The following GPM6B variants were observed in gnomAD, a reference collection of about 807,000 sequenced individuals.
The protein encoded by GPM6B is glycoprotein M6B.
GPM6B carries 4 observed loss-of-function variants against 27.2 expected under a neutral mutation model. The ratio of observed to expected loss-of-function variants is 0.15; its 90% CI spans 0.07 to 0.34. The LOEUF (loss-of-function observed/expected upper bound fraction) is 0.34, where lower values mean the gene tolerates loss of function less well. Among genes scored for constraint, GPM6B ranks in the 10% least tolerant of loss-of-function variants. The pLI, the probability that GPM6B is intolerant of heterozygous loss-of-function variation, is 1.00. For synonymous variants in GPM6B, 124 were observed against 103.1 expected (o/e 1.20, Z -1.23); for missense variants, 183 against 261.9 (o/e 0.70, Z 2.08).
At chrX:13,866,909 T>C (rs868070178) in intron 1 of GPM6B, among the ~76,000 whole-genome samples, 1 of 111,720 alleles carries the variant, frequency 9.0e-6, no homozygotes, top group African/African-American at 3.3e-5. Context: ...GGAAAAAACA[T>C]GCTTCAAAAA....
chrX:13,809,946 T>C (rs1603032423), intron 1 of GPM6B, among the ~76,000 whole-genome samples: 1 of 49,942 alleles, frequency 2.0e-5, no homozygotes, highest in East Asian at 9.5e-4. Flanking sequence ...TAAAACTCCA[T>C]CTCAGGAAAA....
chrX:13,839,361 A>G (rs921031886), intron 1 of GPM6B, among the ~76,000 whole-genome samples: 1 of 110,516 alleles, frequency 9.0e-6, no homozygotes, highest in African/African-American at 3.3e-5. Flanking sequence ...TAACTTGTCT[A>G]CCTAAAATGT....
chrX:13,827,564 C>T (rs1366138630), intron 1 of GPM6B, among the ~76,000 whole-genome samples: 1 of 111,833 alleles, frequency 8.9e-6, no homozygotes, highest in East Asian at 2.8e-4. Flanking sequence ...TTCCTCCCAC[C>T]CAGGTTGGAG....
chrX:13,919,205 C>T (rs1396140463), intron 1 of GPM6B, among the ~76,000 whole-genome samples: 1 of 111,783 alleles, frequency 8.9e-6, no homozygotes, highest in African/African-American at 3.3e-5. Flanking sequence ...TTAATATTTT[C>T]AAGAACACAC....
At chrX:13,783,713 T>G in intron 3 of GPM6B, 192 bp from the exon 4 acceptor site, 1 of 460,505 alleles carries the variant, frequency 2.2e-6, no homozygotes. Flanking sequence ...TGGGCCTTCC[T>G]TCCAAGGTGG....
At chrX:13,817,353 A>G (rs960739439), upstream of GPM6B, 1 of 752,502 alleles carries the variant, frequency 1.3e-6, no homozygotes, top group African/African-American at 2.3e-5. Flanking sequence ...AGCCAAGTAC[A>G]CCCAATGAAT....
chrX:13,810,148 A>C (rs1247218469), intron 1 of GPM6B, among the ~76,000 whole-genome samples: 2 of 110,737 alleles, frequency 1.8e-5, no homozygotes, highest in African/African-American at 6.6e-5. Context: ...CCCCCAAAAA[A>C]CAGATTTAGA....
intron 1 of GPM6B, among the ~76,000 whole-genome samples, chrX:13,884,887 G>T (rs1278031567): frequency 4.5e-5 from 5 of 112,067 alleles, no homozygotes; most frequent in Admixed American, 9.4e-5. Context: ...TTGAAATATT[G>T]AGAGAAGGTC....
At chrX:13,857,852 A>G (rs1339662458) in intron 1 of GPM6B, among the ~76,000 whole-genome samples, 1 of 112,914 alleles carries the variant, frequency 8.9e-6, no homozygotes, top group Admixed American at 9.4e-5. Context: ...TCAATGAGGT[A>G]GATAAACAAG....
At chrX:13,791,395 C>T (rs763185060) in intron 2 of GPM6B, among the ~76,000 whole-genome samples, 1 of 110,994 alleles carries the variant, frequency 9.0e-6, no homozygotes, top group South Asian at 3.8e-4. Context: ...ATTTTTAGTA[C>T]AGACGGGGTC....
At chrX:13,848,159 C>T (rs754982550) in intron 1 of GPM6B, among the ~76,000 whole-genome samples, 1 of 111,973 alleles carries the variant, frequency 8.9e-6, no homozygotes, top group Non-Finnish European at 1.9e-5. Context: ...GCATCTGGCA[C>T]TCAGTGACTG....
chrX:13,812,048 C>CTTT lies in GPM6B; in HGVS notation c.62-4282_62-4280dup, dbSNP rs1187553585. Among the ~76,000 whole-genome samples, 13 of 88,881 alleles carry CTTT rather than the reference C, an allele frequency of 1.5e-4. 2 individuals are homozygous for CTTT. Among genetic ancestry groups the CTTT allele is most frequent in the African/African-American group, 3.9e-4 (9 of 23,352 alleles). 77.2% of individuals were successfully genotyped at this position (88,881 alleles called of 115,157 possible). Reference sequence around the variant, plus strand: ...AAAGGAGAACACTTTTCTTTTCTTTCTTTTTTTTTTTTTTTTTTTGAGACA... The same window carrying CTTT: ...AAAGGAGAACACTTTTCTTTTCTTTCTTTTTTTTTTTTTTTTTTTTTTGAGACA... On this transcript the variant is annotated intron_variant, in intron 1 of 7. Coordinates refer to ENST00000316715, the MANE Select transcript of GPM6B (RefSeq NM_001001995.3).
intron 2 of GPM6B, among the ~76,000 whole-genome samples, chrX:13,801,368 T>C (rs969875808): frequency 9.0e-6 from 1 of 111,554 alleles, no homozygotes; most frequent in Non-Finnish European, 1.9e-5. Context: ...GGATGAGGGA[T>C]GTTTGATGGA....
intron 7 of GPM6B, chrX:13,774,627 G>A: frequency 1.7e-6 from 2 of 1,195,434 alleles, no homozygotes; most frequent in Non-Finnish European, 2.3e-6. Context: ...TAGATCAGCT[G>A]GTGGAAGAGA....
At chrX:13,864,410 T>C (rs2049886024) in intron 1 of GPM6B, among the ~76,000 whole-genome samples, 1 of 112,371 alleles carries the variant, frequency 8.9e-6, no homozygotes, top group African/African-American at 3.2e-5. Context: ...GTTGGGGAAG[T>C]GAAAGGAATC....
intron 1 of GPM6B, among the ~76,000 whole-genome samples, chrX:13,846,187 A>C (rs1202607327): frequency 9.1e-6 from 1 of 110,274 alleles, no homozygotes; most frequent in Admixed American, 9.7e-5. Flanking sequence ...TTCCTCTACG[A>C]AATTCTGAAT....
At chrX:13,912,072 A>G (rs2050383222) in intron 1 of GPM6B, among the ~76,000 whole-genome samples, 1 of 111,952 alleles carries the variant, frequency 8.9e-6, no homozygotes, top group Non-Finnish European at 1.9e-5. Flanking sequence ...ATAGGGCGTT[A>G]TTTCCTTTGT....
chrX:13,867,472 C>T (rs1278701774), intron 1 of GPM6B, among the ~76,000 whole-genome samples: 1 of 111,957 alleles, frequency 8.9e-6, no homozygotes, highest in Admixed American at 9.5e-5. Context: ...GAGGGGAAGA[C>T]CTTTAGTGAG....
chrX:13,911,185 C>T (rs1483419904), intron 1 of GPM6B, among the ~76,000 whole-genome samples: 1 of 111,982 alleles, frequency 8.9e-6, no homozygotes, highest in Non-Finnish European at 1.9e-5. Flanking sequence ...CTAGTATATC[C>T]GATCTTCATG....
Sources: allele counts gnomAD v4.1 joint callset (sites outside exome capture counted in the v4.1 genomes callset), GRCh38; gene constraint gnomAD v4.1.1; transcripts MANE v1.5; gene names NCBI Gene and HGNC (gene_info 2026-07-23, HGNC 2026-07-21).